Variants in PEX14 observed in about 807,000 individuals in gnomAD.
PEX14 encodes the protein peroxisomal biogenesis factor 14.
A neutral mutation model predicts 49.5 loss-of-function variants in PEX14; 15 were observed. That is an observed-to-expected ratio of 0.30 (90% confidence interval 0.20 to 0.47). The LOEUF (loss-of-function observed/expected upper bound fraction) is 0.47. Among genes scored for constraint, PEX14 ranks in the 20% least tolerant of loss-of-function variants. The probability of loss-of-function intolerance (pLI) is 1.00; values close to 1 mark genes in which losing one functional copy is unlikely to be tolerated. For synonymous variants in PEX14, 210 were observed against 212.7 expected (o/e 0.99, Z 0.11); for missense variants, 398 against 494.8 (o/e 0.80, Z 1.86).
At chr1:10,524,905 G>A (rs911315493) in intron 2 of PEX14, among the ~76,000 whole-genome samples, 1 of 152,146 alleles carries the variant, frequency 6.6e-6, no homozygotes, top group Non-Finnish European at 1.5e-5. Context: ...TGCCCAGGCT[G>A]GTCCCGAACT....
At chr1:10,476,963 A>G (rs1283719900) in intron 1 of PEX14, among the ~76,000 whole-genome samples, 1 of 152,148 alleles carries the variant, frequency 6.6e-6, no homozygotes, top group Admixed American at 6.6e-5. Context: ...GGGCATGGCC[A>G]TCACTTGTTT....
chr1:10,536,501 G>A, intron 3 of PEX14: 1 of 593,186 alleles, frequency 1.7e-6, no homozygotes, highest in South Asian at 1.9e-5. Flanking sequence ...CACGATTCGG[G>A]TAATTAAGCA....
rs550944529 is a variant in PEX14 at position 10,488,347 on chromosome 1, C to T, written c.37-6927C>T. Among the ~76,000 whole-genome samples, 145 of 150,392 alleles carry T rather than the reference C, an allele frequency of 9.6e-4. 1 individual carries two copies. Among genetic ancestry groups the T allele is most frequent in the African/African-American group, 3.3e-3 (134 of 40,890 alleles). ...AATTTTTGTATTTTTAGTGGAGATG[C>T]GGTTTCACTGTACTGGCCAGGCTGG... On this transcript the variant is annotated intron_variant, in intron 1 of 8. Transcript: ENST00000356607.
chr1:10,487,490 T>C (rs1179849129), intron 1 of PEX14, among the ~76,000 whole-genome samples: 1 of 138,148 alleles, frequency 7.2e-6, no homozygotes, highest in Non-Finnish European at 1.6e-5. Context: ...TCTTTTTTTT[T>C]TTTTTTTTTT....
intron 3 of PEX14, among the ~76,000 whole-genome samples, chr1:10,584,818 C>T (rs918184029): frequency 1.3e-5 from 2 of 152,110 alleles, no homozygotes; most frequent in African/African-American, 2.4e-5. Flanking sequence ...AGAAAATGAT[C>T]TTACATGGAA....
chr1:10,526,462 G>A (rs1047554120), intron 2 of PEX14, among the ~76,000 whole-genome samples: 1 of 152,064 alleles, frequency 6.6e-6, no homozygotes, highest in African/African-American at 2.4e-5. Flanking sequence ...CAGGTCATCT[G>A]CCCACCTTGG....
In PEX14 at chr1:10,629,518, C is replaced by T. The variant is rs1009879912; in HGVS notation, c.678-13C>T. 1 of 1,593,472 alleles carries T rather than the reference C, an allele frequency of 6.3e-7. No individual in the cohort carries two copies. Among genetic ancestry groups the T allele is most frequent in the East Asian group, 2.2e-5 (1 of 44,788 alleles). On this transcript the variant is annotated splice_polypyrimidine_tract_variant and intron_variant, in intron 8 of 8. Coordinates refer to ENST00000356607, the MANE Select transcript of PEX14 (RefSeq NM_004565.3). This position sits in a 1 kb window ranked among gnomAD's most constrained non-coding sequence, Gnocchi z 8.5. ...ATGCCGCCACCAACCTCCTCCCCTT[C>T]TTCTCCCTCTAGGAGGCAGTTCCCT...
At position 10,623,058 on chromosome 1, in the gene PEX14, A is replaced by G. The variant is rs760873902; in HGVS notation, c.424A>G (p.Arg142Gly). The G allele has an allele frequency of 1.2e-6, 2 of 1,614,038 alleles. No homozygotes were observed. Among genetic ancestry groups the G allele is most frequent in the South Asian group, 2.2e-5 (2 of 91,044 alleles). Reference sequence around the variant, plus strand: ...CCTCATCCTGGGCGGCCGAGAGGACAGAAAGCAGCTGGAGAGGATGGAGGC... The same window carrying G: ...CCTCATCCTGGGCGGCCGAGAGGACGGAAAGCAGCTGGAGAGGATGGAGGC... ...LPLILGGRED[R>G]KQLERMEAGL... Residue 142 changes from arginine to glycine, a missense_variant, in exon 6 of 9, where the codon AGA becomes GGA. Arg to Gly is a moderately radical substitution (Grantham distance 125, BLOSUM62 -2). Around this residue, in one of 3 missense-constraint regions of PEX14, gnomAD observed 202 missense variants for 298.5 expected, o/e 0.68. Transcript: ENST00000356607. This position sits in a 1 kb window ranked among gnomAD's most constrained non-coding sequence, Gnocchi z 4.4.
At chr1:10,532,216 G>A (rs899222903) in intron 2 of PEX14, among the ~76,000 whole-genome samples, 2 of 152,152 alleles carry the variant, frequency 1.3e-5, no homozygotes, top group Non-Finnish European at 2.9e-5. Context: ...AGTGACTCCG[G>A]TGTAACCATT....
At chr1:10,535,273 G>A (rs752187566) in intron 2 of PEX14, among the ~76,000 whole-genome samples, 4 of 152,222 alleles carry the variant, frequency 2.6e-5, no homozygotes, top group Non-Finnish European at 4.4e-5. Context: ...CACACACTTC[G>A]CGTGTGCTGA....
chr1:10,562,985 C>T (rs998834268), intron 3 of PEX14, among the ~76,000 whole-genome samples: 10 of 149,006 alleles, frequency 6.7e-5, no homozygotes, highest in African/African-American at 2.5e-4. Context: ...GATCTCGGCT[C>T]ACTGCAACCT....
At chr1:10,519,066 G>A (rs934953101) in intron 2 of PEX14, among the ~76,000 whole-genome samples, 1 of 152,080 alleles carries the variant, frequency 6.6e-6, no homozygotes, top group Non-Finnish European at 1.5e-5. Context: ...TATACTACAC[G>A]TTGTCCAACA....
intron 5 of PEX14, among the ~76,000 whole-genome samples, chr1:10,621,352 T>C (rs1641586758): frequency 6.8e-6 from 1 of 147,472 alleles, no homozygotes; most frequent in South Asian, 2.2e-4. Flanking sequence ...CTTTTTTTTT[T>C]TTTTTTTTTT....
chr1:10,577,600 T>A (rs1570296208), intron 3 of PEX14, among the ~76,000 whole-genome samples: 2 of 42,006 alleles, frequency 4.8e-5, no homozygotes, highest in Non-Finnish European at 8.3e-5. Flanking sequence ...TTTTTTTTTT[T>A]TTTTTTTTTT....
chr1:10,541,090 C>A (rs554675488), intron 3 of PEX14, among the ~76,000 whole-genome samples: 1 of 152,322 alleles, frequency 6.6e-6, no homozygotes, highest in South Asian at 2.1e-4. Flanking sequence ...GGATTCGACT[C>A]AGTCATAAGT....
At chr1:10,479,896 CTG>C (rs780517509) in intron 1 of PEX14, among the ~76,000 whole-genome samples, 145 of 152,260 alleles carry the variant, frequency 9.5e-4, no homozygotes, top group Non-Finnish European at 1.9e-3. Flanking sequence ...ACTCAGGAGA[CTG>C]AGGCTGGAGG....
chr1:10,502,819 CAG>C (rs1229093930), intron 2 of PEX14, among the ~76,000 whole-genome samples: 2 of 142,262 alleles, frequency 1.4e-5, no homozygotes, highest in Admixed American at 7.2e-5. Context: ...TTTTTAATGA[CAG>C]AGTCTTTCTC....
chr1:10,590,219 G>A (rs1430799931), intron 3 of PEX14, among the ~76,000 whole-genome samples: 1 of 152,134 alleles, frequency 6.6e-6, no homozygotes, highest in African/African-American at 2.4e-5. Flanking sequence ...AGAACCGTGA[G>A]CCTGCAAACA....
chr1:10,532,883 A>G lies in PEX14; in HGVS notation c.85-3330A>G, dbSNP rs79929464. ...TTCATGAAATTAATGAAAAGTGCCC[A>G]ACAATAGGTGGGTGAAAGGCACAAA... is the stretch of plus-strand genomic sequence containing the variant. On this transcript the variant is annotated intron_variant, in intron 2 of 8. Coordinates refer to ENST00000356607, the MANE Select transcript of PEX14 (RefSeq NM_004565.3). 8.9e-3 allele frequency among the ~76,000 whole-genome samples: 1,357 copies of G among 152,320 alleles called. 23 individuals are homozygous for G. Among genetic ancestry groups the G allele is most frequent in the African/African-American group, 0.031 (1,297 of 41,572 alleles).
Sources: allele counts gnomAD v4.1 joint callset (sites outside exome capture counted in the v4.1 genomes callset), GRCh38; gene constraint gnomAD v4.1.1; regional missense constraint gnomAD v4.1.1; non-coding constraint Gnocchi (gnomAD v3.1); transcripts MANE v1.5; gene names NCBI Gene and HGNC (gene_info 2026-07-23, HGNC 2026-07-21).